ING2: variants seen among roughly 807,000 people sequenced by gnomAD.
ING2 encodes the protein inhibitor of growth family member 2, also known as inhibitor of growth protein 2.
A neutral mutation model predicts 30.6 loss-of-function variants in ING2; 7 were observed. The observed-to-expected ratio is 0.23, with a 90% CI of 0.13 to 0.43. The LOEUF (loss-of-function observed/expected upper bound fraction) is 0.43. Among genes scored for constraint, ING2 ranks in the 20% least tolerant of loss-of-function variants. The probability of loss-of-function intolerance (pLI) is 1.00; values close to 1 mark genes in which losing one functional copy is unlikely to be tolerated. For missense variants in ING2, 239 were observed against 334.9 expected (o/e 0.71, Z 2.24); for synonymous variants, 136 against 121.7 (o/e 1.12, Z -0.78).
In ING2 at chr4:183,511,798, G is replaced by C. The variant is rs72689386; in HGVS notation, c.*846G>C. On this transcript the variant is annotated 3_prime_UTR_variant, in exon 2 of 2. Coordinates refer to ENST00000302327, the MANE Select transcript of ING2 (RefSeq NM_001564.4). ...TCCATGTGACCTGCTGCCAGGATGC[G>C]TAGCCACAGGCCTATCAGTGGAAAG... Among the ~76,000 whole-genome samples the C allele has an allele frequency of 0.033, 5,096 of 152,252 alleles. 141 individuals carry two copies. The highest frequency in any genetic ancestry group is 0.16 in the East Asian group (845 of 5,180).
Position 183,505,115 on chromosome 4 carries a change from G to T in ING2, c.-81G>T. On this transcript the variant is annotated 5_prime_UTR_variant, in exon 1 of 2. Coordinates refer to ENST00000302327, the MANE Select transcript of ING2 (RefSeq NM_001564.4). ...GGTCCCCGCGGCGCCGGGCTGCTGA[G>T]CTGAGGGCCCGCGGCGGCCGCGGCC... is the stretch of plus-strand genomic sequence containing the variant. 1 of 1,401,808 alleles carries T rather than the reference G, an allele frequency of 7.1e-7. No individual in the cohort carries two copies. The highest frequency in any genetic ancestry group is 9.3e-7 in the Non-Finnish European group (1 of 1,070,392). 86.8% of individuals were successfully genotyped at this position (1,401,808 alleles called of 1,614,324 possible). A position where few individuals can be genotyped will look rare whatever the true frequency, so the allele number is the denominator to read the frequency against.
In ING2 at chr4:183,510,887, G is replaced by A; in HGVS notation, c.778G>A (p.Gly260Arg). The A allele has an allele frequency of 1.2e-6, 2 of 1,612,608 alleles. No individual in the cohort carries two copies. Among genetic ancestry groups the A allele is most frequent in the Non-Finnish European group, 1.7e-6 (2 of 1,178,964 alleles). ...KGKWYCPKCR[G>R]DNEKTMDKST... ...GAAATGGTATTGCCCAAAGTGCAGG[G>A]GAGATAATGAGAAAACAATGGACAA... Residue 260 changes from glycine (G) to arginine (R), a missense_variant, in exon 2 of 2, where the codon GGA becomes AGA. This residue lies in a region of ING2 where 22 missense variants were observed against 77.0 expected (regional missense o/e 0.29). Transcript: ENST00000302327.
chr4:183,507,949 G>T (rs1734717940), intron 1 of ING2, among the ~76,000 whole-genome samples: 1 of 152,018 alleles, frequency 6.6e-6, no homozygotes, highest in African/African-American at 2.4e-5. Flanking sequence ...TTATTCTAGT[G>T]TTCCCACTCA....
chr4:183,508,192 A>G (rs926432838), intron 1 of ING2, among the ~76,000 whole-genome samples: 2 of 151,990 alleles, frequency 1.3e-5, no homozygotes, highest in African/African-American at 4.8e-5. Context: ...ACCACATAGA[A>G]GGGGCTGAGT....
At chr4:183,509,540 G>C (rs1483595807) in intron 1 of ING2, among the ~76,000 whole-genome samples, 1 of 151,688 alleles carries the variant, frequency 6.6e-6, no homozygotes, top group Non-Finnish European at 1.5e-5. Flanking sequence ...CCGCCTCCAG[G>C]GTTCTCGCCA....
At chr4:183,506,318 CGTAGGT>C (rs1560969133) in intron 1 of ING2, 1 of 1,303,580 alleles carries the variant, frequency 7.7e-7, no homozygotes, top group Non-Finnish European at 1.0e-6. Context: ...CCTGGCTCCG[CGTAGGT>C]TCCGGGACAT....
At chr4:183,505,506 C>T in intron 1 of ING2, 139 bp downstream of exon 1, 1 of 870,244 alleles carries the variant, frequency 1.1e-6, no homozygotes. Context: ...GACTGGAGAC[C>T]GGGTTGGCGG....
intron 1 of ING2, among the ~76,000 whole-genome samples, chr4:183,509,189 A>C (rs1734754419): frequency 6.6e-6 from 1 of 152,218 alleles, no homozygotes; most frequent in Non-Finnish European, 1.5e-5. Flanking sequence ...TGTGAAAGTG[A>C]AGCTATATCT....
chr4:183,506,412 C>T (rs1560969227), intron 1 of ING2: 2 of 915,426 alleles, frequency 2.2e-6, no homozygotes, highest in South Asian at 2.7e-5. Context: ...CCTCCTTCTC[C>T]GACTTTAAGT....
chr4:183,506,129 T>C, intron 1 of ING2: 2 of 1,227,642 alleles, frequency 1.6e-6, no homozygotes, highest in Non-Finnish European at 2.1e-6. Context: ...AAATGGCTGG[T>C]CGCGAGAGGG....
At chr4:183,509,295 C>T (rs1487659110) in intron 1 of ING2, among the ~76,000 whole-genome samples, 1 of 152,162 alleles carries the variant, frequency 6.6e-6, no homozygotes. Context: ...AGTCCTGTAA[C>T]CTTTTCAAGT....
intron 1 of ING2, among the ~76,000 whole-genome samples, chr4:183,507,725 A>G (rs1242273754): frequency 1.3e-5 from 2 of 152,182 alleles, no homozygotes; most frequent in East Asian, 3.9e-4. Flanking sequence ...TGTTTTTTAT[A>G]TCTTCACTAG....
rs562015092 is a variant in ING2 at position 183,510,507 on chromosome 4, G to A, written c.398G>A (p.Arg133Gln). ...TTCCAAGATCCTGCTGAAAGTGAAC[G>A]AGCCTCAGATAAAGCAAAGATGGAT... is the stretch of plus-strand genomic sequence containing the variant. The part of the protein sequence containing the change: ...QCFQDPAESE[R>Q]ASDKAKMDSS... Residue 133 changes from arginine (R) to glutamine (Q), a missense_variant, in exon 2 of 2, where the codon CGA becomes CAA. Around this residue, in one of 5 missense-constraint regions of ING2, gnomAD observed 115 missense variants for 120.1 expected, o/e 0.96. Transcript: ENST00000302327. The A allele has an allele frequency of 9.3e-6, 15 of 1,613,976 alleles. No homozygotes were observed. Among genetic ancestry groups the A allele is most frequent in the Admixed American group, 1.7e-5 (1 of 60,000 alleles).
In ING2 at chr4:183,511,039, C is replaced by G; in HGVS notation, c.*87C>G. 6.0e-6 allele frequency: 6 copies of G among 1,007,944 alleles called. No homozygotes were observed. The highest frequency in any genetic ancestry group is 3.0e-5 in the Admixed American group (1 of 33,898). 62.4% of individuals were successfully genotyped at this position (1,007,944 alleles called of 1,614,324 possible). A position where few individuals can be genotyped will look rare whatever the true frequency, so the allele number is the denominator to read the frequency against. On this transcript the variant is annotated 3_prime_UTR_variant, in exon 2 of 2. Coordinates refer to ENST00000302327, the MANE Select transcript of ING2 (RefSeq NM_001564.4). ...AATGTTTTAGGGTAAATGCATAAGACTATGCAATAATTTTTAATCATTAGT... is the reference window on the plus strand; with the variant it reads ...AATGTTTTAGGGTAAATGCATAAGAGTATGCAATAATTTTTAATCATTAGT...
chr4:183,507,965 T>C (rs913634811), intron 1 of ING2, among the ~76,000 whole-genome samples: 27 of 152,162 alleles, frequency 1.8e-4, no homozygotes, highest in Non-Finnish European at 2.9e-5. Flanking sequence ...ACTCATAATT[T>C]CTTAGATAAA....
chr4:183,510,986 CTT>C lies in ING2; in HGVS notation c.*37_*38del, dbSNP rs1560971408. The C allele has an allele frequency of 6.7e-7, 1 of 1,497,934 alleles. No individual in the cohort carries two copies. Among genetic ancestry groups the C allele is most frequent in the Non-Finnish European group, 9.0e-7 (1 of 1,116,854 alleles). The allele number at this position is 1,497,934 out of a possible 1,614,324, so 92.8% of individuals were successfully genotyped here. On this transcript the variant is annotated 3_prime_UTR_variant, in exon 2 of 2. Coordinates refer to ENST00000302327, the MANE Select transcript of ING2 (RefSeq NM_001564.4). ...ATCCACATTTTAAAGGGTTATTTGT[CTT>C]TTATATAATTCGTTTGCTTTCAGAA...
chr4:183,511,763 A>C lies in ING2; in HGVS notation c.*811A>C. Among the ~76,000 whole-genome samples the C allele has an allele frequency of 6.6e-6, 1 of 152,216 alleles. No individual in the cohort carries two copies. The highest frequency in any genetic ancestry group is 1.9e-4 in the East Asian group (1 of 5,202). On this transcript the variant is annotated 3_prime_UTR_variant, in exon 2 of 2. Transcript: ENST00000302327. ...AACAATTTAAAAATACATCTTAATT[A>C]ATAGTATTTTCCATGTGACCTGCTG...
rs969012874 is a variant in ING2 at position 183,512,277 on chromosome 4, T to A, written c.*1325T>A. Among the ~76,000 whole-genome samples the A allele has an allele frequency of 6.6e-6, 1 of 152,190 alleles. No homozygotes were observed. The highest frequency in any genetic ancestry group is 1.5e-5 in the Non-Finnish European group (1 of 68,030). ...TGCTTTTTTTCTCTTCTAGCTCTCCTGTGTGACTTTTAGGCATGTCATTTC... is the reference window on the plus strand; with the variant it reads ...TGCTTTTTTTCTCTTCTAGCTCTCCAGTGTGACTTTTAGGCATGTCATTTC... On this transcript the variant is annotated 3_prime_UTR_variant, in exon 2 of 2. Coordinates refer to ENST00000302327, the MANE Select transcript of ING2 (RefSeq NM_001564.4).
intron 1 of ING2, chr4:183,506,300 T>G: frequency 7.7e-7 from 1 of 1,304,222 alleles, no homozygotes; most frequent in Non-Finnish European, 1.0e-6. Flanking sequence ...GCTCGGACCG[T>G]CGCGGATCCT....
Sources: allele counts gnomAD v4.1 joint callset (sites outside exome capture counted in the v4.1 genomes callset), GRCh38; gene constraint gnomAD v4.1.1; regional missense constraint gnomAD v4.1.1; transcripts MANE v1.5; gene names NCBI Gene and HGNC (gene_info 2026-07-23, HGNC 2026-07-21).